Variants in PSMA2 observed in about 807,000 individuals in gnomAD.
PSMA2 encodes proteasome 20S subunit alpha 2, also known as proteasome subunit alpha type-2.
In PSMA2, 2 loss-of-function variants were observed where a neutral mutation model predicts 35.9. The observed-to-expected ratio is 0.06, with a 90% CI of 0.02 to 0.18. PSMA2 has a LOEUF of 0.18. Ranked by LOEUF, PSMA2 falls within the 10% of genes least tolerant of loss-of-function variation. The pLI is 1.00. For synonymous variants in PSMA2, 97 were observed against 98.2 expected, an observed-to-expected ratio of 0.99 and a Z score of 0.07; for missense variants, 126 against 278.8, an observed-to-expected ratio of 0.45 and a Z score of 3.90.
chr7:42,923,412 G>A lies in PSMA2; in HGVS notation c.375-6C>T. On this transcript the variant is annotated splice_polypyrimidine_tract_variant and splice_region_variant and intron_variant, in intron 4 of 7. Transcript: ENST00000223321. ...CTCCAAATGGACGAACACCACTGCA[G>A]GGAGGAAAATGAAAATTACTTGGCA... The A allele has an allele frequency of 1.2e-6, 2 of 1,608,806 alleles. No homozygotes were observed. Among genetic ancestry groups the A allele is most frequent in the Non-Finnish European group, 1.7e-6 (2 of 1,175,634 alleles).
Position 42,926,603 on chromosome 7 carries a change from C to T in PSMA2, c.184G>A (p.Val62Ile). 6.2e-7 allele frequency: 1 copy of T among 1,612,464 alleles called. No homozygotes were observed. The highest frequency in any genetic ancestry group is 8.5e-7 in the Non-Finnish European group (1 of 1,179,558). Residue 62 changes from valine to isoleucine, a missense_variant, in exon 3 of 8, where the codon GTA becomes ATA. Transcript: ENST00000223321. ...QKSILYDERS[V>I]HKVEPITKHI... is the part of the protein sequence containing the mutation. ...TTGGTAATTGGTTCTACTTTGTGTACACTTCGCTCATCATACAGAATGGAT... is the reference window on the plus strand; with the variant it reads ...TTGGTAATTGGTTCTACTTTGTGTATACTTCGCTCATCATACAGAATGGAT...
At chr7:42,917,903 C>A in intron 6 of PSMA2, 68 bp from the exon 7 acceptor site, 1 of 1,125,522 alleles carries the variant, frequency 8.9e-7, no homozygotes, top group Non-Finnish European at 1.3e-6. Context: ...AATACAATGA[C>A]AGCAACAACG....
chr7:42,919,135 T>C (rs530106016), intron 6 of PSMA2: 18 of 489,958 alleles, frequency 3.7e-5, no homozygotes, highest in South Asian at 3.2e-4. Context: ...GTCTTATGAG[T>C]ATTTCTAAAT....
intron 1 of PSMA2, among the ~76,000 whole-genome samples, chr7:42,927,967 C>A (rs1331495660): frequency 6.6e-6 from 1 of 151,968 alleles, no homozygotes; most frequent in African/African-American, 2.4e-5. Context: ...TTGGAACATA[C>A]TCCTACTGAA....
At chr7:42,924,241 C>CAGCT (rs1266066080) in intron 4 of PSMA2, among the ~76,000 whole-genome samples, 6 of 148,692 alleles carry the variant, frequency 4.0e-5, no homozygotes, top group Non-Finnish European at 7.4e-5. Context: ...CCTGTGGTGC[C>CAGCT]AGCTACTCAG....
At chr7:42,925,319 C>A (rs2128674367) in intron 3 of PSMA2, among the ~76,000 whole-genome samples, 1 of 152,296 alleles carries the variant, frequency 6.6e-6, no homozygotes, top group East Asian at 1.9e-4. Flanking sequence ...CGCCTGTAAT[C>A]CCAACACTTT....
intron 1 of PSMA2, among the ~76,000 whole-genome samples, chr7:42,927,906 C>A (rs1405171785): frequency 7.5e-5 from 11 of 147,592 alleles, no homozygotes; most frequent in African/African-American, 9.9e-5. Flanking sequence ...AACCTCGTCT[C>A]AAAAAAAAAA....
intron 4 of PSMA2, among the ~76,000 whole-genome samples, chr7:42,923,649 G>C (rs995040408): frequency 2.6e-5 from 4 of 152,184 alleles, no homozygotes; most frequent in African/African-American, 9.6e-5. Flanking sequence ...TAAGACACTG[G>C]GGTTAATAAG....
At chr7:42,925,746 A>G (rs1032962322) in intron 3 of PSMA2, among the ~76,000 whole-genome samples, 2 of 152,328 alleles carry the variant, frequency 1.3e-5, no homozygotes, top group Non-Finnish European at 1.5e-5. Flanking sequence ...GTCATGTCCC[A>G]TCCCTCAGTT....
At chr7:42,929,920 C>T (rs1190589928) in intron 1 of PSMA2, among the ~76,000 whole-genome samples, 2 of 152,144 alleles carry the variant, frequency 1.3e-5, no homozygotes, top group Admixed American at 6.5e-5. Flanking sequence ...TTTAATCTTC[C>T]AGTCTCAAAA....
chr7:42,924,559 G>T, intron 4 of PSMA2, 116 bp downstream of exon 4: 1 of 1,035,596 alleles, frequency 9.7e-7, no homozygotes, highest in Non-Finnish European at 1.4e-6. Context: ...TAGTGATTCT[G>T]TCCACTTGTT....
chr7:42,925,899 T>C (rs1786205247), intron 3 of PSMA2, among the ~76,000 whole-genome samples: 1 of 152,224 alleles, frequency 6.6e-6, no homozygotes, highest in South Asian at 2.1e-4. Context: ...CACAAAATCA[T>C]GAGCAATAAA....
rs1786050197 is a variant in PSMA2, at chr7:42,917,498, GCAAAA to G, written c.*71_*75del. On this transcript the variant is annotated 3_prime_UTR_variant, in exon 8 of 8. Transcript: ENST00000223321. ...GTAGAAATAAGTATGCAAAAAGTCT[GCAAAA>G]CAAAACATACTTTAAACATGTTTAA... The G allele has an allele frequency of 3.4e-6, 4 of 1,165,210 alleles. No homozygotes were observed. In the Admixed American group the frequency reaches 5.9e-5, roughly 17 times the overall value. 72.2% of individuals were successfully genotyped at this position (1,165,210 alleles called of 1,614,324 possible).
chr7:42,929,660 G>A (rs1353447549), intron 1 of PSMA2, among the ~76,000 whole-genome samples: 1 of 151,958 alleles, frequency 6.6e-6, no homozygotes, highest in Non-Finnish European at 1.5e-5. Context: ...GTTACCTTTG[G>A]ACCATGTCAC....
At chr7:42,921,085 T>C (rs1406666519) in intron 6 of PSMA2, 1 of 152,164 alleles carries the variant, frequency 6.6e-6, no homozygotes, top group Non-Finnish European at 1.5e-5. Flanking sequence ...TGGTGTCCAG[T>C]AGTACAGTCA....
chr7:42,922,170 A>C (rs1191298082), intron 5 of PSMA2, among the ~76,000 whole-genome samples: 2 of 152,150 alleles, frequency 1.3e-5, no homozygotes, highest in South Asian at 2.1e-4. Context: ...TCATTGTAGT[A>C]ATGGTTTCTT....
intron 3 of PSMA2, among the ~76,000 whole-genome samples, chr7:42,925,289 C>T (rs1006829305): frequency 2.0e-5 from 3 of 152,140 alleles, no homozygotes; most frequent in Non-Finnish European, 2.9e-5. Flanking sequence ...ATGTAAAATT[C>T]GGCTAGGTGC....
chr7:42,931,664 G>C (rs551687865), intron 1 of PSMA2, among the ~76,000 whole-genome samples: 3 of 152,220 alleles, frequency 2.0e-5, no homozygotes, highest in Admixed American at 1.3e-4. Context: ...CCAAGACTCC[G>C]ACTTAACTGT....
intron 6 of PSMA2, 45 bp from the exon 7 acceptor site, chr7:42,917,880 TTATAAC>T: frequency 1.5e-6 from 2 of 1,306,368 alleles, no homozygotes; most frequent in Non-Finnish European, 2.1e-6. Context: ...TTTATATTCT[TTATAAC>T]TATTTAAATA....
Sources: allele counts gnomAD v4.1 joint callset (sites outside exome capture counted in the v4.1 genomes callset), GRCh38; gene constraint gnomAD v4.1.1; transcripts MANE v1.5; gene names NCBI Gene and HGNC (gene_info 2026-07-23, HGNC 2026-07-21).